CENPM: variants seen among roughly 807,000 people sequenced by gnomAD.
CENPM encodes the protein centromere protein M.
Under a neutral mutation model 19.6 loss-of-function variants are expected in CENPM, and 14 were observed. The observed-to-expected ratio is 0.71, with a 90% CI of 0.47 to 1.11. The LOEUF is 1.11. CENPM is among the 50% of genes most tolerant of loss of function. The probability of loss-of-function intolerance (pLI) is 0.00; values close to 1 mark genes in which losing one functional copy is unlikely to be tolerated. For synonymous variants in CENPM, 114 were observed against 101.5 expected, an observed-to-expected ratio of 1.12 and a Z score of -0.74; for missense variants, 239 against 228.4, an observed-to-expected ratio of 1.05 and a Z score of -0.30.
chr22:41,937,862 G>A (rs1346353006), downstream of CENPM, among the ~76,000 whole-genome samples: 1 of 150,844 alleles, frequency 6.6e-6, no homozygotes, highest in Non-Finnish European at 1.5e-5. Context: ...TTTTTTCTTT[G>A]AGACAGAGTC....
chr22:41,929,139 G>A, the CENPM span, among the ~76,000 whole-genome samples: 2 of 151,742 alleles, frequency 1.3e-5, no homozygotes, highest in East Asian at 2.0e-4. Flanking sequence ...GTGGGTGAGC[G>A]TGGGTGTACG....
Position 41,946,424 on chromosome 22 carries a change from G to T in CENPM, c.130C>A (p.Leu44Met). 3 of 1,612,900 alleles carry T rather than the reference G, an allele frequency of 1.9e-6. No homozygotes were observed. The highest frequency in any genetic ancestry group is 2.5e-6 in the Non-Finnish European group (3 of 1,179,868). ...SMLKEDCASE[L>M]KVHLAKSLPL... Reference sequence around the variant, plus strand: ...ACAGCCGCGGCTACTTACACCTTCAGCTCGGAGGCGCAGTCCTCTTTGAGC... The same window carrying T: ...ACAGCCGCGGCTACTTACACCTTCATCTCGGAGGCGCAGTCCTCTTTGAGC... Residue 44 changes from leucine (L) to methionine (M), a missense_variant, in exon 2 of 6, where the codon CTG becomes ATG. By Grantham distance (15) the Leu-to-Met change is conservative. Coordinates refer to ENST00000215980, the MANE Select transcript of CENPM (RefSeq NM_024053.5).
At position 41,939,882 on chromosome 22, in the gene CENPM, G is replaced by A. The variant is rs1324654522; in HGVS notation, c.403-686C>T. On this transcript the variant is annotated intron_variant, in intron 5 of 5. Coordinates refer to ENST00000215980, the MANE Select transcript of CENPM (RefSeq NM_024053.5). Reference sequence around the variant, plus strand: ...AAAGAAAGAAAGAAAGAAAGAAAAAGAAAGAAAGAAAGAAAGAAAGAAAGA... The same window carrying A: ...AAAGAAAGAAAGAAAGAAAGAAAAAAAAAGAAAGAAAGAAAGAAAGAAAGA... 1.0e-4 allele frequency among the ~76,000 whole-genome samples: 12 copies of A among 116,404 alleles called. 1 individual carries two copies. Among genetic ancestry groups the A allele is most frequent in the African/African-American group, 5.0e-4 (9 of 17,944 alleles). The allele number at this position is 116,404 out of a possible 152,430, so 76.4% of individuals were successfully genotyped here.
chr22:41,944,704 G>A (rs1180265393), intron 4 of CENPM: 12 of 985,164 alleles, frequency 1.2e-5, no homozygotes, highest in South Asian at 9.4e-5. Flanking sequence ...TTCAGAGAAC[G>A]ATAAGCTGAC....
chr22:41,945,602 C>G (rs1165810050), intron 3 of CENPM, among the ~76,000 whole-genome samples: 1 of 151,986 alleles, frequency 6.6e-6, no homozygotes, highest in Non-Finnish European at 1.5e-5. Flanking sequence ...AGGTACATGC[C>G]ACCACGCCTG....
At chr22:41,942,986 C>T (rs929377102) in intron 5 of CENPM, among the ~76,000 whole-genome samples, 1 of 152,046 alleles carries the variant, frequency 6.6e-6, no homozygotes, top group African/African-American at 2.4e-5. Flanking sequence ...TCCTACCCCT[C>T]GTGGTTAGTT....
chr22:41,941,203 C>T (rs542539962), intron 5 of CENPM, among the ~76,000 whole-genome samples: 6 of 152,266 alleles, frequency 3.9e-5, no homozygotes, highest in South Asian at 2.1e-4. Flanking sequence ...GGAACGGGGC[C>T]GGTAATTCCT....
At chr22:41,932,637 A>T in the CENPM span, among the ~76,000 whole-genome samples, 1 of 152,234 alleles carries the variant, frequency 6.6e-6, no homozygotes, top group Non-Finnish European at 1.5e-5. This position sits in a 1 kb window ranked among gnomAD's most constrained non-coding sequence, Gnocchi z 4.3. Flanking sequence ...GATAGAGGAC[A>T]TGGGCCCTCC....
chr22:41,939,063 T>G lies in CENPM; in HGVS notation c.536A>C (p.Asp179Ala). The G allele has an allele frequency of 6.2e-7, 1 of 1,612,770 alleles. No individual in the cohort carries two copies. Among genetic ancestry groups the G allele is most frequent in the Non-Finnish European group, 8.5e-7 (1 of 1,179,870 alleles). ...CCCAGGGGCCAGCCACCCTCACAGG[T>G]CCTCCAGGGAGGGGCCCTCAGAGCT... is the stretch of plus-strand genomic sequence containing the variant. ...LRSSEGPSLEDL is the reference protein window; with the variant it reads ...LRSSEGPSLEAL The change falls in exon 6 of 6, where the codon GAC (aspartate) becomes GCC (alanine). Residue 179 changes from aspartate to alanine, a missense_variant. Coordinates refer to ENST00000215980, the MANE Select transcript of CENPM (RefSeq NM_024053.5).
chr22:41,946,750 C>G (rs897776275), intron 1 of CENPM: 4 of 598,812 alleles, frequency 6.7e-6, no homozygotes, highest in Admixed American at 5.9e-5. Context: ...GGAGGCCAGA[C>G]CCCCAGACGC....
At chr22:41,946,541 C>T (rs753489653) in intron 1 of CENPM, 45 bp from the exon 2 acceptor site, 13 of 1,545,274 alleles carry the variant, frequency 8.4e-6, no homozygotes, top group Admixed American at 1.7e-5. Context: ...AGGCACAGCA[C>T]CCCCTGGGGA....
chr22:41,934,346 A>C (rs1364795398), downstream of CENPM, among the ~76,000 whole-genome samples: 1 of 152,210 alleles, frequency 6.6e-6, no homozygotes, highest in East Asian at 1.9e-4. Context: ...TGAGGGGGAC[A>C]AATGAGTGTG....
Position 41,939,037 on chromosome 22 carries a change from G to T in CENPM, c.*19C>A. The T allele has an allele frequency of 6.2e-7, 1 of 1,612,220 alleles. No homozygotes were observed. The highest frequency in any genetic ancestry group is 8.5e-7 in the Non-Finnish European group (1 of 1,179,592). On this transcript the variant is annotated 3_prime_UTR_variant, in exon 6 of 6. Transcript: ENST00000215980. ...CAGCACGAAGCCATGAGAAGGGGCA[G>T]CCCAGGGGCCAGCCACCCTCACAGG...
chr22:41,929,101 G>A, the CENPM span, among the ~76,000 whole-genome samples: 3 of 150,314 alleles, frequency 2.0e-5, no homozygotes, highest in African/African-American at 7.4e-5. Flanking sequence ...GAGCGTGGGT[G>A]TATGGTGATG....
chr22:41,935,417 C>A (rs1250248289), downstream of CENPM, among the ~76,000 whole-genome samples: 3 of 152,154 alleles, frequency 2.0e-5, no homozygotes, highest in Admixed American at 6.5e-5. Flanking sequence ...CAAAGACCTA[C>A]TCTACCCTCC....
At position 41,947,035 on chromosome 22, in the gene CENPM, G is replaced by A. The variant is rs754875625; in HGVS notation, c.42C>T (p.Asn14=). The A allele has an allele frequency of 6.2e-7, 1 of 1,612,952 alleles. No homozygotes were observed. Among genetic ancestry groups the A allele is most frequent in the South Asian group, 1.1e-5 (1 of 91,088 alleles). ...LRPLDKLPGL[N]TATILLVGTE... is the part of the protein sequence containing the mutation. ...CTGCACCTACCAAGATGGTGGCCGT[G>A]TTCAGGCCGGGCAGCTTGTCCAGGG... Residue 14 remains asparagine, a synonymous_variant, in exon 1 of 6, where the codon AAC becomes AAT. Transcript: ENST00000215980.
intron 2 of CENPM, 55 bp from the exon 3 acceptor site, chr22:41,946,060 C>CCCCCCTCATAGCGACG: frequency 7.0e-7 from 1 of 1,421,924 alleles, no homozygotes; most frequent in Non-Finnish European, 9.8e-7. Flanking sequence ...TCATAGCGAC[C>CCCCCCTCATAGCGACG]GTTTAAATGC....
chr22:41,930,649 C>T, the CENPM span, among the ~76,000 whole-genome samples: 4 of 151,582 alleles, frequency 2.6e-5, no homozygotes, highest in South Asian at 6.3e-4. Context: ...CTCCTGAGTA[C>T]GTGGGATTAC....
intron 3 of CENPM, 82 bp downstream of exon 3, chr22:41,945,831 C>T (rs1255106831): frequency 1.8e-6 from 2 of 1,108,086 alleles, no homozygotes; most frequent in East Asian, 2.4e-5. Flanking sequence ...CACCACTTCC[C>T]ATCACAAGTT....
Sources: gnomAD v4.1 joint callset for allele counts (sites outside exome capture counted in the v4.1 genomes callset) on GRCh38, gnomAD v4.1.1 for gene constraint, Gnocchi (gnomAD v3.1) non-coding constraint, MANE v1.5 for transcripts, NCBI Gene and HGNC (gene_info 2026-07-23, HGNC 2026-07-21) for gene names.